The following TEX14 variants were observed in gnomAD, a reference collection of about 807,000 sequenced individuals.
The protein encoded by TEX14 is testis expressed 14, intercellular bridge forming factor, also known as inactive serine/threonine-protein kinase TEX14.
In TEX14, 168 loss-of-function variants were observed where a neutral mutation model predicts 178.6. That is an observed-to-expected ratio of 0.94 (90% CI 0.83 to 1.07). The LOEUF (loss-of-function observed/expected upper bound fraction) is 1.07. Ranked by LOEUF, TEX14 falls within the 50% of genes least tolerant of loss-of-function variation. TEX14 has a pLI of 0.00. For missense variants in TEX14, 1,730 were observed against 1,753.6 expected (o/e 0.99, Z 0.24); for synonymous variants, 626 against 634.1 (o/e 0.99, Z 0.19).
At chr17:58,642,287 T>C (rs536433416) in intron 2 of TEX14, among the ~76,000 whole-genome samples, 5 of 152,316 alleles carry the variant, frequency 3.3e-5, no homozygotes, top group Non-Finnish European at 5.9e-5. Context: ...AACCACACTT[T>C]TAATTGCATT....
intron 17 of TEX14, 33 bp downstream of exon 17, chr17:58,587,548 T>C (rs373205017): frequency 7.0e-6 from 9 of 1,281,402 alleles, no homozygotes; most frequent in Non-Finnish European, 1.0e-5. Context: ...TAAATTTCAT[T>C]TTGTCTAATA....
At chr17:58,666,822 T>C (rs2047221215) in intron 1 of TEX14, 1 of 152,236 alleles carries the variant, frequency 6.6e-6, no homozygotes, top group Admixed American at 6.5e-5. Context: ...AGATTTTTTA[T>C]ACTATATCTT....
chr17:58,651,647 G>A (rs1209308582), intron 2 of TEX14, among the ~76,000 whole-genome samples: 1 of 152,152 alleles, frequency 6.6e-6, no homozygotes, highest in Non-Finnish European at 1.5e-5. Flanking sequence ...AGTTGGATGC[G>A]CTTGTGGTTC....
chr17:58,605,555 C>G (rs1248231827), intron 10 of TEX14, among the ~76,000 whole-genome samples: 1 of 152,186 alleles, frequency 6.6e-6, no homozygotes, highest in Non-Finnish European at 1.5e-5. Context: ...CCTTACTATT[C>G]CACCCGGGCC....
intron 6 of TEX14, among the ~76,000 whole-genome samples, chr17:58,616,947 C>T (rs1325546858): frequency 1.3e-5 from 2 of 152,184 alleles, no homozygotes; most frequent in African/African-American, 4.8e-5. Context: ...TGCCTCAACA[C>T]AACAAACAGA....
chr17:58,559,129 C>T (rs1406804325), intron 30 of TEX14, among the ~76,000 whole-genome samples: 1 of 152,092 alleles, frequency 6.6e-6, no homozygotes, highest in Admixed American at 6.5e-5. Context: ...GAGATCGTGC[C>T]ACTGCACTCC....
intron 2 of TEX14, among the ~76,000 whole-genome samples, chr17:58,650,502 G>A (rs2046817709): frequency 6.6e-6 from 1 of 152,164 alleles, no homozygotes; most frequent in Non-Finnish European, 1.5e-5. Context: ...GGACCCTAGG[G>A]GTAGTACATG....
intron 21 of TEX14, among the ~76,000 whole-genome samples, chr17:58,577,006 TAAATGTAAATTTTCATCTCTCTGGG>T: frequency 6.6e-6 from 1 of 152,368 alleles, no homozygotes; most frequent in East Asian, 1.9e-4. Context: ...TATTTCTGTG[TAAATGTAAATTTTCATCTCTCTGGG>T]ATAAATGCCC....
At chr17:58,675,971 G>T (rs1260013535) in intron 1 of TEX14, among the ~76,000 whole-genome samples, 1 of 152,138 alleles carries the variant, frequency 6.6e-6, no homozygotes, top group African/African-American at 2.4e-5. Flanking sequence ...AGGTGCCGTG[G>T]CTCACACATG....
In TEX14 at chr17:58,593,630, TTC is replaced by T. The variant is rs1326925768; in HGVS notation, c.2499_2500del (p.Asn834HisfsTer3). The T allele has an allele frequency of 6.2e-7, 1 of 1,614,156 alleles. No individual in the cohort carries two copies. On this transcript the variant is annotated frameshift_variant, in exon 15 of 32. Coordinates refer to ENST00000349033, the MANE Select transcript of TEX14 (RefSeq NM_031272.5). LOFTEE classifies it high-confidence loss of function. ...AGTGCACTGAAATTGTTCATCTGTG[TTC>T]TGTTTTCCAGGGTCACAAAGAGTCG... is the stretch of plus-strand genomic sequence containing the variant.
chr17:58,588,412 G>C (rs1433436967), intron 15 of TEX14, among the ~76,000 whole-genome samples: 1 of 152,126 alleles, frequency 6.6e-6, no homozygotes, highest in East Asian at 1.9e-4. Flanking sequence ...TCATGCCTCA[G>C]CTTCCCAAGT....
intron 2 of TEX14, among the ~76,000 whole-genome samples, chr17:58,650,358 G>A (rs1201659348): frequency 1.3e-5 from 2 of 152,160 alleles, no homozygotes; most frequent in Admixed American, 6.5e-5. Flanking sequence ...GGCCCAAGAA[G>A]CAGAGTTTTA....
chr17:58,570,251 G>T, intron 25 of TEX14, 134 bp downstream of exon 25: 1 of 499,274 alleles, frequency 2.0e-6, no homozygotes, highest in Non-Finnish European at 3.4e-6. Context: ...TTCCTACAAT[G>T]AGTGTGTTTT....
intron 1 of TEX14, among the ~76,000 whole-genome samples, chr17:58,662,057 A>AC (rs984417318): frequency 6.6e-6 from 1 of 151,724 alleles, no homozygotes; most frequent in Non-Finnish European, 1.5e-5. Flanking sequence ...TTGGTAACAA[A>AC]CCGAGTGTTC....
intron 28 of TEX14, among the ~76,000 whole-genome samples, chr17:58,563,693 AGAGAGAGAGCGC>A (rs2044333086): frequency 1.2e-4 from 5 of 43,024 alleles, no homozygotes; most frequent in Admixed American, 3.5e-4. Context: ...AGAGAGAGAG[AGAGAGAGAGCGC>A]AAGATCATAC....
chr17:58,672,737 CTTTG>C (rs1040643869), intron 1 of TEX14, among the ~76,000 whole-genome samples: 5 of 151,164 alleles, frequency 3.3e-5, no homozygotes, highest in African/African-American at 7.3e-5. Flanking sequence ...TCCTTTTTTT[CTTTG>C]TTTGTTTTGA....
chr17:58,588,901 GA>G (rs1456925702), intron 15 of TEX14, among the ~76,000 whole-genome samples: 3 of 151,726 alleles, frequency 2.0e-5, no homozygotes, highest in Non-Finnish European at 4.4e-5. Flanking sequence ...TCTGTCTCCA[GA>G]AAAAAAATAA....
chr17:58,680,789 AAC>A (rs1598437887), intron 1 of TEX14, among the ~76,000 whole-genome samples: 1 of 152,260 alleles, frequency 6.6e-6, no homozygotes, highest in East Asian at 1.9e-4. Flanking sequence ...TTTCAGAGTT[AAC>A]AGTGTTCTTC....
At chr17:58,619,899 G>A (rs1474014927) in intron 5 of TEX14, among the ~76,000 whole-genome samples, 1 of 151,024 alleles carries the variant, frequency 6.6e-6, no homozygotes, top group Non-Finnish European at 1.5e-5. Context: ...ACTAAATGCT[G>A]TATCTAGATG....
Sources: allele counts gnomAD v4.1 joint callset (sites outside exome capture counted in the v4.1 genomes callset), GRCh38; gene constraint gnomAD v4.1.1; transcripts MANE v1.5; gene names NCBI Gene and HGNC (gene_info 2026-07-23, HGNC 2026-07-21).